AHCY: variants seen among roughly 807,000 people sequenced by gnomAD.
The protein encoded by AHCY is adenosylhomocysteinase, also known as S-adenosyl-L-homocysteine hydrolase.
Under a neutral mutation model 45.4 loss-of-function variants are expected in AHCY, and 24 were observed. That is an observed-to-expected ratio of 0.53 (90% CI 0.38 to 0.74). The LOEUF (loss-of-function observed/expected upper bound fraction) is 0.74, where lower values mean the gene tolerates loss of function less well. AHCY is among the 30% of genes least tolerant of loss of function. The pLI, the probability that AHCY is intolerant of heterozygous loss-of-function variation, is 0.00. For missense variants in AHCY, 449 were observed against 594.1 expected, an observed-to-expected ratio of 0.76 and a Z score of 2.54; for synonymous variants, 245 against 235.1, an observed-to-expected ratio of 1.04 and a Z score of -0.39.
rs1011920368 is a variant in AHCY at position 34,303,319 on chromosome 20, C to T, written c.-49G>A. The T allele has an allele frequency of 2.6e-6, 4 of 1,551,450 alleles. No homozygotes were observed. Among genetic ancestry groups the T allele is most frequent in the African/African-American group, 1.4e-5 (1 of 73,052 alleles). On this transcript the variant is annotated 5_prime_UTR_variant, in exon 1 of 10. Transcript: ENST00000217426. ...CGGGCGAAGGGGGCTGGGCCTCAGT[C>T]TGGGAACAGGAACTGGGCGGGCAGC...
chr20:34,283,119 G>A (rs2036056679), intron 9 of AHCY, among the ~76,000 whole-genome samples: 1 of 152,098 alleles, frequency 6.6e-6, no homozygotes. Flanking sequence ...GAGGTAGAAC[G>A]ATGGCCTCCA....
rs1278784699 is a variant in AHCY at position 34,288,186 on chromosome 20, G to A, written c.972+2146C>T. Among the ~76,000 whole-genome samples, 4 of 63,086 alleles carry A rather than the reference G, an allele frequency of 6.3e-5. No individual in the cohort carries two copies. In the Admixed American group the frequency reaches 9.9e-4, roughly 16 times the overall value. The allele number at this position is 63,086 out of a possible 152,430, so 41.4% of individuals were successfully genotyped here. On this transcript the variant is annotated intron_variant, in intron 8 of 9. Transcript: ENST00000217426. ...AGGAGAACTCCCACGCAGGAGCAGA[G>A]CACCCAAGAGGAGCAGTGTAGGGGA...
intron 3 of AHCY, 85 bp downstream of exon 3, chr20:34,293,996 G>A (rs2036488697): frequency 7.3e-7 from 1 of 1,365,832 alleles, no homozygotes; most frequent in Non-Finnish European, 1.0e-6. Flanking sequence ...GATATGTAAG[G>A]AAGTCTGTTG....
intron 1 of AHCY, chr20:34,302,707 C>T (rs2036818805): frequency 2.0e-6 from 2 of 987,930 alleles, no homozygotes; most frequent in Non-Finnish European, 2.4e-6. Flanking sequence ...GGGTGGGGGA[C>T]CCCACAGGTT....
upstream of AHCY, among the ~76,000 whole-genome samples, chr20:34,306,154 A>T (rs1437141905): frequency 6.6e-6 from 1 of 151,834 alleles, no homozygotes; most frequent in Non-Finnish European, 1.5e-5. Context: ...GATGACTCTC[A>T]TCCTCACTGT....
At chr20:34,297,574 G>A (rs1023410974) in intron 1 of AHCY, among the ~76,000 whole-genome samples, 1 of 152,094 alleles carries the variant, frequency 6.6e-6, no homozygotes, top group African/African-American at 2.4e-5. Flanking sequence ...GGGATTACAG[G>A]TGTGAGCCAC....
chr20:34,235,910 G>GGAGGGAGGGAGGGAA, the AHCY span, among the ~76,000 whole-genome samples: 3 of 109,296 alleles, frequency 2.7e-5, no homozygotes, highest in African/African-American at 2.8e-4. Context: ...AAGGAAGGAA[G>GGAGGGAGGGAGGGAA]GAAGGAAGGA....
chr20:34,237,129 T>C, the AHCY span, among the ~76,000 whole-genome samples: 1 of 152,222 alleles, frequency 6.6e-6, no homozygotes, highest in African/African-American at 2.4e-5. Context: ...TTTTGATTAC[T>C]GTGGCTTTGT....
chr20:34,297,253 A>G (rs2122794373), intron 1 of AHCY, among the ~76,000 whole-genome samples: 1 of 152,068 alleles, frequency 6.6e-6, no homozygotes, highest in South Asian at 2.1e-4. Flanking sequence ...CAGCAGGAGG[A>G]CAATCACAAC....
At chr20:34,260,543 C>T in the AHCY span, 1 of 1,603,050 alleles carries the variant, frequency 6.2e-7, no homozygotes, top group African/African-American at 1.3e-5. Flanking sequence ...GGGTAAGTCA[C>T]CTAGCCTCTG....
chr20:34,244,465 TCTGAGGTGCCCGC>T, the AHCY span, among the ~76,000 whole-genome samples: 1 of 152,228 alleles, frequency 6.6e-6, no homozygotes, highest in Non-Finnish European at 1.5e-5. Context: ...CTAAAATGTG[TCTGAGGTGCCCGC>T]CTTTGACATT....
At chr20:34,303,408 A>C, upstream of AHCY, 1 of 1,277,870 alleles carries the variant, frequency 7.8e-7, no homozygotes, top group Non-Finnish European at 1.1e-6. Context: ...TTGCATATTC[A>C]TGACCCGCTG....
chr20:34,308,419 A>G (rs759482512), intron 1 of AHCY, among the ~76,000 whole-genome samples: 1 of 152,092 alleles, frequency 6.6e-6, no homozygotes, highest in African/African-American at 2.4e-5. Flanking sequence ...GCATGGTGGC[A>G]TGCACCTGTA....
chr20:34,289,135 C>G (rs2036283801), intron 8 of AHCY, among the ~76,000 whole-genome samples: 1 of 152,092 alleles, frequency 6.6e-6, no homozygotes, highest in African/African-American at 2.4e-5. Context: ...TCCCGAGTAG[C>G]TGGGATTACA....
intron 1 of AHCY, 143 bp from the exon 2 acceptor site, chr20:34,295,728 A>G: frequency 1.2e-6 from 1 of 868,662 alleles, no homozygotes; most frequent in South Asian, 1.5e-5. Flanking sequence ...TCACTCATGC[A>G]ACAAGTATTT....
downstream of AHCY, among the ~76,000 whole-genome samples, chr20:34,280,007 G>A (rs928939228): frequency 5.9e-5 from 9 of 152,108 alleles, no homozygotes; most frequent in South Asian, 2.1e-4. Flanking sequence ...CAGGAGGATC[G>A]CTTGAACCCA....
the AHCY span, among the ~76,000 whole-genome samples, chr20:34,262,049 G>C: frequency 6.6e-6 from 1 of 151,930 alleles, no homozygotes; most frequent in African/African-American, 2.4e-5. Flanking sequence ...GGAGGCAGAA[G>C]TCACAGTGAG....
the AHCY span, among the ~76,000 whole-genome samples, chr20:34,254,318 C>T: frequency 1.3e-5 from 2 of 152,162 alleles, no homozygotes; most frequent in Admixed American, 1.3e-4. Context: ...CTGCCTTGGC[C>T]TCCCAAAGTG....
At chr20:34,267,855 AG>A in the AHCY span, among the ~76,000 whole-genome samples, 4 of 151,014 alleles carry the variant, frequency 2.6e-5, no homozygotes, top group South Asian at 2.1e-4. Context: ...AAAAAAAAAA[AG>A]GTGCAATTAA....
Sources: allele counts gnomAD v4.1 joint callset (sites outside exome capture counted in the v4.1 genomes callset), GRCh38; gene constraint gnomAD v4.1.1; transcripts MANE v1.5; gene names NCBI Gene and HGNC (gene_info 2026-07-23, HGNC 2026-07-21).